Variants in BTRC observed in about 807,000 individuals in gnomAD.
BTRC encodes the protein beta-transducin repeat containing E3 ubiquitin protein ligase, also known as F-box/WD repeat-containing protein 1A.
Under a neutral mutation model 85.5 loss-of-function variants are expected in BTRC, and 42 were observed. The ratio of observed to expected loss-of-function variants is 0.49; its 90% confidence interval spans 0.38 to 0.64. The LOEUF is 0.64. Ranked by LOEUF, BTRC falls within the 30% of genes least tolerant of loss-of-function variation. The pLI is 0.00. For synonymous variants in BTRC, 255 were observed against 263.3 expected, an observed-to-expected ratio of 0.97 and a Z score of 0.30; for missense variants, 594 against 743.5, an observed-to-expected ratio of 0.80 and a Z score of 2.34.
chr10:101,526,865 TTC>T (rs2062200046), intron 6 of BTRC, among the ~76,000 whole-genome samples: 1 of 152,210 alleles, frequency 6.6e-6, no homozygotes, highest in South Asian at 2.1e-4. Context: ...TTCTTAAGAC[TTC>T]TGTTTTTCAA....
intron 4 of BTRC, among the ~76,000 whole-genome samples, chr10:101,513,970 TAATA>T (rs1486033136): frequency 6.6e-6 from 1 of 152,232 alleles, no homozygotes; most frequent in Non-Finnish European, 1.5e-5. Flanking sequence ...TTAGCCATTC[TAATA>T]AGTGTGTCAT....
chr10:101,452,510 C>T (rs1253560603), intron 2 of BTRC, among the ~76,000 whole-genome samples: 1 of 152,240 alleles, frequency 6.6e-6, no homozygotes. Flanking sequence ...CAAATATACA[C>T]AATCCCTCTG....
intron 1 of BTRC, among the ~76,000 whole-genome samples, chr10:101,420,627 C>A (rs1944075253): frequency 6.6e-6 from 1 of 152,032 alleles, no homozygotes; most frequent in Admixed American, 6.6e-5. Flanking sequence ...CATGCTGGGT[C>A]CCCCTCCCAG....
chr10:101,502,738 A>C (rs1038570234), intron 4 of BTRC, among the ~76,000 whole-genome samples: 1 of 152,190 alleles, frequency 6.6e-6, no homozygotes, highest in Non-Finnish European at 1.5e-5. Context: ...TCGTTCATTT[A>C]GATTAACAGT....
rs888349925 is a variant in BTRC, at chr10:101,512,885, G to A, written c.325-8754G>A. On this transcript the variant is annotated intron_variant, in intron 4 of 14. Coordinates refer to ENST00000370187, the MANE Select transcript of BTRC (RefSeq NM_033637.4). ...AAGAAGAGGGAGATGTGCAGGGGTG[G>A]CAGAAATTTAGTGTTACCATTAAGC... Among the ~76,000 whole-genome samples the A allele has an allele frequency of 5.3e-5, 8 of 152,286 alleles. No individual in the cohort carries two copies. In the East Asian group the frequency reaches 1.5e-3, roughly 29 times the overall value.
intron 2 of BTRC, among the ~76,000 whole-genome samples, chr10:101,459,972 C>T (rs1399616889): frequency 2.6e-5 from 4 of 152,118 alleles, no homozygotes; most frequent in Admixed American, 2.6e-4. Context: ...GTATGACAAA[C>T]TTCCAGCAAA....
At chr10:101,455,090 C>G (rs1945041453) in intron 2 of BTRC, among the ~76,000 whole-genome samples, 1 of 149,984 alleles carries the variant, frequency 6.7e-6, no homozygotes, top group Admixed American at 6.7e-5. Flanking sequence ...GAGACAGGGT[C>G]TCACTCTGTC....
intron 3 of BTRC, among the ~76,000 whole-genome samples, chr10:101,472,275 C>CTCTCTTTTCTCTTCTCTTCTCTTCTCT (rs1554883857): frequency 6.1e-5 from 7 of 114,244 alleles, no homozygotes; most frequent in Non-Finnish European, 1.3e-4. Flanking sequence ...TTTTCTTTTC[C>CTCTCTTTTCTCTTCTCTTCTCTTCTCT]TCTCTTCTCT....
intron 2 of BTRC, among the ~76,000 whole-genome samples, chr10:101,456,018 A>ACACACACACACACACACACACAC (rs60361192): frequency 7.6e-4 from 114 of 150,024 alleles, no homozygotes; most frequent in Admixed American, 8.6e-4. Context: ...ACACACACAC[A>ACACACACACACACACACACACAC]AAATTAGCTG....
chr10:101,451,212 TATAATCAGGTTG>T (rs2134139203), intron 2 of BTRC, among the ~76,000 whole-genome samples: 1 of 152,316 alleles, frequency 6.6e-6, no homozygotes, highest in East Asian at 1.9e-4. Context: ...ACAAAATTCG[TATAATCAGGTTG>T]ATGTTTTCTT....
chr10:101,455,527 A>T (rs1404282351), intron 2 of BTRC, among the ~76,000 whole-genome samples: 3 of 152,192 alleles, frequency 2.0e-5, no homozygotes, highest in Admixed American at 2.0e-4. Context: ...TTCTAACTGC[A>T]GGTTAGGCGT....
At chr10:101,401,020 T>C (rs1943479788) in intron 1 of BTRC, among the ~76,000 whole-genome samples, 1 of 152,208 alleles carries the variant, frequency 6.6e-6, no homozygotes, top group South Asian at 2.1e-4. Flanking sequence ...ACCCCATGAT[T>C]CCCAGGCCTC....
chr10:101,528,466 C>T (rs2062232914), intron 6 of BTRC, among the ~76,000 whole-genome samples: 1 of 152,096 alleles, frequency 6.6e-6, no homozygotes, highest in Non-Finnish European at 1.5e-5. Context: ...CCACTTTTTT[C>T]CCCTATCTCT....
At chr10:101,434,430 A>T (rs571438212) in intron 2 of BTRC, among the ~76,000 whole-genome samples, 23 of 152,298 alleles carry the variant, frequency 1.5e-4, no homozygotes, top group African/African-American at 5.5e-4. Context: ...TATATACATA[A>T]ATTAATTTGA....
intron 2 of BTRC, among the ~76,000 whole-genome samples, chr10:101,448,624 T>A (rs1437532788): frequency 6.6e-6 from 1 of 152,100 alleles, no homozygotes; most frequent in African/African-American, 2.4e-5. Flanking sequence ...TTATATTTGC[T>A]GTTTTCTGTT....
Position 101,379,570 on chromosome 10 carries a change from A to G in BTRC, c.48+25342A>G, listed in dbSNP as rs141240135. Among the ~76,000 whole-genome samples the G allele has an allele frequency of 6.4e-3, 972 of 152,260 alleles. 8 individuals carry two copies. The highest frequency in any genetic ancestry group is 9.1e-3 in the Non-Finnish European group (622 of 68,014). On this transcript the variant is annotated intron_variant, in intron 1 of 14. Transcript: ENST00000370187. ...TATGGAGGCCTGCATAATATACTACATATTTTTTTTTCCTAAGAAGCTTAT... is the reference window on the plus strand; with the variant it reads ...TATGGAGGCCTGCATAATATACTACGTATTTTTTTTTCCTAAGAAGCTTAT...
intron 13 of BTRC, among the ~76,000 whole-genome samples, chr10:101,543,175 G>A (rs1225799130): frequency 6.6e-6 from 1 of 152,204 alleles, no homozygotes; most frequent in African/African-American, 2.4e-5. Context: ...ACCGCACCCA[G>A]CCACTTCTTG....
At chr10:101,492,175 TTC>T (rs1946150575) in intron 4 of BTRC, among the ~76,000 whole-genome samples, 1 of 152,168 alleles carries the variant, frequency 6.6e-6, no homozygotes, top group Non-Finnish European at 1.5e-5. Flanking sequence ...CAAACATCAC[TTC>T]TCTAATTTAA....
intron 1 of BTRC, among the ~76,000 whole-genome samples, chr10:101,371,285 TCTC>T (rs1329534225): frequency 6.6e-5 from 10 of 152,044 alleles, no homozygotes; most frequent in Non-Finnish European, 1.2e-4. Flanking sequence ...GCCAAGCAAT[TCTC>T]CTGCCTCAGC....
Sources: allele counts gnomAD v4.1 joint callset (sites outside exome capture counted in the v4.1 genomes callset), GRCh38; gene constraint gnomAD v4.1.1; transcripts MANE v1.5; gene names NCBI Gene and HGNC (gene_info 2026-07-23, HGNC 2026-07-21).